The following TRIL variants were observed in gnomAD, a reference collection of about 807,000 sequenced individuals.
TRIL encodes TLR4 interactor with leucine rich repeats.
TRIL carries 23 observed loss-of-function variants against 43.0 expected under a neutral mutation model. That is an observed-to-expected ratio of 0.54 (90% CI 0.39 to 0.76). The LOEUF is 0.76. TRIL is among the 30% of genes least tolerant of loss of function. The probability of loss-of-function intolerance (pLI) is 0.00; values close to 1 mark genes in which losing one functional copy is unlikely to be tolerated. For synonymous variants in TRIL, 602 were observed against 556.8 expected (o/e 1.08, Z -1.14); for missense variants, 1,114 against 1,139.3 (o/e 0.98, Z 0.32).
In TRIL at chr7:28,956,743, G is replaced by T; in HGVS notation, c.1304C>A (p.Ala435Asp). 6.2e-7 allele frequency: 1 copy of T among 1,606,630 alleles called. No homozygotes were observed. ...ADRRRQPLPT[A>D]AGEEMTPPAG... ...AGGTGGCGTCATCTCCTCCCCTGCGGCCGTGGGTAGGGGCTGCCGCCTGCG... is the reference window on the plus strand; with the variant it reads ...AGGTGGCGTCATCTCCTCCCCTGCGTCCGTGGGTAGGGGCTGCCGCCTGCG... The change falls in exon 1 of 1, where the codon GCC becomes GAC. Residue 435 changes from alanine to aspartate, a missense_variant. Physicochemically the swap from Ala to Asp is moderately radical, Grantham distance 126 (BLOSUM62 -2). Coordinates refer to ENST00000539664, the MANE Select transcript of TRIL (RefSeq NM_014817.4).
chr7:28,957,075 C>CAGGTGGCCGA lies in TRIL; in HGVS notation c.962_971dup (p.Gly325ArgfsTer85). The CAGGTGGCCGA allele has an allele frequency of 1.9e-6, 3 of 1,574,742 alleles. No individual in the cohort carries two copies. Among genetic ancestry groups the CAGGTGGCCGA allele is most frequent in the Non-Finnish European group, 2.6e-6 (3 of 1,163,498 alleles). On this transcript the variant is annotated frameshift_variant, in exon 1 of 1. Coordinates refer to ENST00000539664, the MANE Select transcript of TRIL (RefSeq NM_014817.4). LOFTEE classifies it high-confidence loss of function. ...GCAGGCTGAGCTCGCGCAGCCGGCC[C>CAGGTGGCCGA]AGGTGGCCGAAGGTGGCCGGGTGCA... is the stretch of plus-strand genomic sequence containing the variant.
rs2128114440 is a variant in TRIL at position 28,957,003 on chromosome 7, G to A, written c.1044C>T (p.Ser348=). The A allele has an allele frequency of 1.3e-6, 2 of 1,580,940 alleles. No individual in the cohort carries two copies. The highest frequency in any genetic ancestry group is 4.6e-5 in the East Asian group (2 of 43,060). ...CTAGATCCAGCCGATAAAGGGCTGGGCTGGCGGCGAAGATGTCCCCGGATA... is the reference window on the plus strand; with the variant it reads ...CTAGATCCAGCCGATAAAGGGCTGGACTGGCGGCGAAGATGTCCCCGGATA... ...SALSGDIFAA[S]PALYRLDLDG... Residue 348 remains serine (S), a synonymous_variant, in exon 1 of 1, where the codon AGC becomes AGT. Transcript: ENST00000539664.
rs923003435 is a variant in TRIL, at chr7:28,957,852, G to A, written c.195C>T (p.Ser65=). 6 of 1,613,846 alleles carry A rather than the reference G, an allele frequency of 3.7e-6. No individual in the cohort carries two copies. Among genetic ancestry groups the A allele is most frequent in the Non-Finnish European group, 5.1e-6 (6 of 1,179,808 alleles). Residue 65 remains serine, a synonymous_variant, in exon 1 of 1, where the codon AGC becomes AGT. Coordinates refer to ENST00000539664, the MANE Select transcript of TRIL (RefSeq NM_014817.4). ...LPSPHDVLTY[S]LGGNFITNIT... ...TGTTGGTTATGAAGTTGCCGCCGAG[G>A]CTGTAGGTGAGCACGTCGTGGGGGC...
At position 28,953,842 on chromosome 7, in the gene TRIL, A is replaced by G. The variant is rs1415029353; in HGVS notation, c.*1769T>C. On this transcript the variant is annotated 3_prime_UTR_variant, in exon 1 of 1. Transcript: ENST00000539664. Reference sequence around the variant, plus strand: ...TCTGGACATTTACTCATTTGAACATAAACAACGATCAGCTCATTCAGATGG... The same window carrying G: ...TCTGGACATTTACTCATTTGAACATGAACAACGATCAGCTCATTCAGATGG... 6.6e-6 allele frequency: 1 copy of G among 152,424 alleles called. No individual in the cohort carries two copies. Among genetic ancestry groups the G allele is most frequent in the African/African-American group, 2.4e-5 (1 of 41,464 alleles). 9.4% of individuals were successfully genotyped at this position (152,424 alleles called of 1,614,324 possible).
In TRIL at chr7:28,958,037, C is replaced by A; in HGVS notation, c.10G>T (p.Ala4Ser). ...ACGAGCAGGAGGCGCAAGGCGCGGG[C>A]AGCCTCCATCGCCTCCCGCCCTGCG... MEA[A>S]RALRLLLVVC... The change falls in exon 1 of 1, where the codon GCC becomes TCC. Residue 4 changes from alanine (A) to serine (S), a missense_variant. Physicochemically the swap from Ala to Ser is moderately conservative, Grantham distance 99. Coordinates refer to ENST00000539664, the MANE Select transcript of TRIL (RefSeq NM_014817.4). The A allele has an allele frequency of 6.5e-7, 1 of 1,536,962 alleles. No homozygotes were observed.
In TRIL at chr7:28,957,823, G is replaced by T. The variant is rs374926644; in HGVS notation, c.224C>A (p.Thr75Lys). The T allele has an allele frequency of 5.6e-5, 91 of 1,613,830 alleles. No individual in the cohort carries two copies. In the African/African-American group the frequency reaches 1.2e-3, roughly 21 times the overall value. The change falls in exon 1 of 1, where the codon ACG becomes AAG. Residue 75 changes from threonine to lysine, a missense_variant. Physicochemically the swap from Thr to Lys is moderately conservative, Grantham distance 78. Coordinates refer to ENST00000539664, the MANE Select transcript of TRIL (RefSeq NM_014817.4). ...CCCCAGACGGTGGAAGTCGAAGGCC[G>T]TGATGTTGGTTATGAAGTTGCCGCC... is the stretch of plus-strand genomic sequence containing the variant. ...SLGGNFITNITAFDFHRLGQL... is the reference protein window; with the variant it reads ...SLGGNFITNIKAFDFHRLGQL...
chr7:28,956,075 G>T lies in TRIL; in HGVS notation c.1972C>A (p.Leu658Met). 1 of 1,553,330 alleles carries T rather than the reference G, an allele frequency of 6.4e-7. No individual in the cohort carries two copies. The highest frequency in any genetic ancestry group is 2.4e-5 in the East Asian group (1 of 41,460). Reference sequence around the variant, plus strand: ...CCAAGCACGCCCTCCACGCACACCAGGTAGGGGGTGTCCCCGCGCAGCTCG... The same window carrying T: ...CCAAGCACGCCCTCCACGCACACCATGTAGGGGGTGTCCCCGCGCAGCTCG... ...LRELRGDTPY[L>M]VCVEGVLGGR... The change falls in exon 1 of 1, where the codon CTG becomes ATG. Residue 658 changes from leucine to methionine, a missense_variant. Leu to Met is a conservative substitution (Grantham distance 15). Coordinates refer to ENST00000539664, the MANE Select transcript of TRIL (RefSeq NM_014817.4).
At position 28,955,902 on chromosome 7, in the gene TRIL, C is replaced by G; in HGVS notation, c.2145G>C (p.Ala715=). The change falls in exon 1 of 1, where the codon GCG becomes GCC. Residue 715 remains alanine (A), a synonymous_variant. Coordinates refer to ENST00000539664, the MANE Select transcript of TRIL (RefSeq NM_014817.4). The part of the protein sequence containing the change: ...VNALLVLLAL[A]AWASRWLRRK... ...TACGCAGCCAGCGAGACGCCCAGGCCGCCAAGGCCAGGAGCACCAGCAGCG... is the reference window on the plus strand; with the variant it reads ...TACGCAGCCAGCGAGACGCCCAGGCGGCCAAGGCCAGGAGCACCAGCAGCG... 6.4e-7 allele frequency: 1 copy of G among 1,551,584 alleles called. No homozygotes were observed. The highest frequency in any genetic ancestry group is 8.7e-7 in the Non-Finnish European group (1 of 1,148,910).
chr7:28,958,052 C>T lies in TRIL; in HGVS notation c.-6G>A. ...AAGGCGCGGGCAGCCTCCATCGCCT[C>T]CCGCCCTGCGTGCAGCGGCCGGATC... On this transcript the variant is annotated 5_prime_UTR_variant, in exon 1 of 1. Transcript: ENST00000539664. 6.7e-7 allele frequency: 1 copy of T among 1,501,460 alleles called. No individual in the cohort carries two copies. Among genetic ancestry groups the T allele is most frequent in the South Asian group, 1.3e-5 (1 of 74,910 alleles). The allele number at this position is 1,501,460 out of a possible 1,614,324, so 93.0% of individuals were successfully genotyped here.
At position 28,955,500 on chromosome 7, in the gene TRIL, C is replaced by A; in HGVS notation, c.*111G>T. 2.1e-6 allele frequency: 3 copies of A among 1,406,152 alleles called. No homozygotes were observed. The highest frequency in any genetic ancestry group is 2.8e-6 in the Non-Finnish European group (3 of 1,073,656). The allele number at this position is 1,406,152 out of a possible 1,614,324, so 87.1% of individuals were successfully genotyped here. A position where few individuals can be genotyped will look rare whatever the true frequency, so the allele number is the denominator to read the frequency against. ...TGCCCGAATTGGCCCTCTGTCCCCA[C>A]CGGCCTCTCTGGCAAGTGCACAAAA... is the stretch of plus-strand genomic sequence containing the variant. On this transcript the variant is annotated 3_prime_UTR_variant, in exon 1 of 1. Transcript: ENST00000539664.
In TRIL at chr7:28,957,175, T is replaced by G; in HGVS notation, c.872A>C (p.Gln291Pro). Residue 291 changes from glutamine (Q) to proline (P), a missense_variant, in exon 1 of 1, where the codon CAG becomes CCG. Gln to Pro is a moderately conservative substitution (Grantham distance 76). Transcript: ENST00000539664. ...AGGCTCCAGCAGCGCAGTTGGCAGCTGGCTCAGCCGATTACCCTCCAGGCG... is the reference window on the plus strand; with the variant it reads ...AGGCTCCAGCAGCGCAGTTGGCAGCGGGCTCAGCCGATTACCCTCCAGGCG... Reference protein sequence around the residue: ...ELRLEGNRLSQLPTALLEPLH... With the variant: ...ELRLEGNRLSPLPTALLEPLH... 1.3e-6 allele frequency: 2 copies of G among 1,595,636 alleles called. No homozygotes were observed. The highest frequency in any genetic ancestry group is 2.3e-5 in the East Asian group (1 of 44,256).
In TRIL at chr7:28,957,900, C is replaced by T. The variant is rs780399439; in HGVS notation, c.147G>A (p.Val49=). 2 of 1,612,792 alleles carry T rather than the reference C, an allele frequency of 1.2e-6. No individual in the cohort carries two copies. The highest frequency in any genetic ancestry group is 1.7e-5 in the Admixed American group (1 of 60,016). ...GGCTCGGCAGCGAGCTGGTCTTGGG[C>T]ACTACGCGGAGCCCCCTGTTGGTGC... ...LLCTNRGLRV[V]PKTSSLPSPH... is the part of the protein sequence containing the mutation. The change falls in exon 1 of 1, where the codon GTG becomes GTA. Residue 49 remains valine (V), a synonymous_variant. Coordinates refer to ENST00000539664, the MANE Select transcript of TRIL (RefSeq NM_014817.4).
chr7:28,957,610 A>T lies in TRIL; in HGVS notation c.437T>A (p.Leu146Gln), dbSNP rs778748341. 1.2e-6 allele frequency: 2 copies of T among 1,611,624 alleles called. No individual in the cohort carries two copies. Among genetic ancestry groups the T allele is most frequent in the Non-Finnish European group, 1.7e-6 (2 of 1,179,122 alleles). ...LYANGNEISR[L>Q]SRGSFEGLES... ...CAGGCCCTCGAAGGAGCCGCGGCTT[A>T]GGCGGCTGATCTCGTTCCCGTTGGC... The change falls in exon 1 of 1, where the codon CTA becomes CAA. Residue 146 changes from leucine to glutamine, a missense_variant. By Grantham distance (113) the Leu-to-Gln change is moderately radical. Transcript: ENST00000539664.
At position 28,953,670 on chromosome 7, in the gene TRIL, C is replaced by G. The variant is rs530134571; in HGVS notation, c.*1941G>C. The G allele has an allele frequency of 6.6e-6, 1 of 152,306 alleles. No individual in the cohort carries two copies. Among genetic ancestry groups the G allele is most frequent in the South Asian group, 2.1e-4 (1 of 4,830 alleles). 9.4% of individuals were successfully genotyped at this position (152,306 alleles called of 1,614,324 possible). A position where few individuals can be genotyped will look rare whatever the true frequency, so the allele number is the denominator to read the frequency against. ...CTCCCTGGTTGAAAATAAGAGCAAACAACACTACTGCTCTCATGTACCAGT... is the reference window on the plus strand; with the variant it reads ...CTCCCTGGTTGAAAATAAGAGCAAAGAACACTACTGCTCTCATGTACCAGT... On this transcript the variant is annotated 3_prime_UTR_variant, in exon 1 of 1. Coordinates refer to ENST00000539664, the MANE Select transcript of TRIL (RefSeq NM_014817.4).
Position 28,957,237 on chromosome 7 carries a change from A to G in TRIL, c.810T>C (p.Pro270=). The change falls in exon 1 of 1, where the codon CCT becomes CCC. Residue 270 remains proline, a synonymous_variant. Transcript: ENST00000539664. ...GGGCCTCCAAGCCCCAAAAGGCCTC[A>G]GGCGCGAGGTGCGTGAGCTGGTTGC... The part of the protein sequence containing the change: ...LRGNQLTHLA[P]EAFWGLEALR... 2 of 1,606,936 alleles carry G rather than the reference A, an allele frequency of 1.2e-6. No homozygotes were observed. The highest frequency in any genetic ancestry group is 1.7e-6 in the Non-Finnish European group (2 of 1,179,414).
rs1448635588 is a variant in TRIL at position 28,953,586 on chromosome 7, T to C, written c.*2025A>G. On this transcript the variant is annotated 3_prime_UTR_variant, in exon 1 of 1. Transcript: ENST00000539664. The stretch of plus-strand genomic sequence containing the variant: ...TACCCTGCTGGGCAAAAGAAATAGC[T>C]AGGAGATGCAATAGTGCTATGATTG... 1.3e-5 allele frequency: 2 copies of C among 152,128 alleles called. No homozygotes were observed. The highest frequency in any genetic ancestry group is 2.4e-5 in the African/African-American group (1 of 41,406). The allele number at this position is 152,128 out of a possible 1,614,324, so 9.4% of individuals were successfully genotyped here. A position where few individuals can be genotyped will look rare whatever the true frequency, so the allele number is the denominator to read the frequency against.
In TRIL at chr7:28,955,307, A is replaced by G; in HGVS notation, c.*304T>C. On this transcript the variant is annotated 3_prime_UTR_variant, in exon 1 of 1. Coordinates refer to ENST00000539664, the MANE Select transcript of TRIL (RefSeq NM_014817.4). ...ACAAGCACCCCCTTTCTACCCCCAAAGCCTGGCTTCTGCATTGCAGTGCTA... is the reference window on the plus strand; with the variant it reads ...ACAAGCACCCCCTTTCTACCCCCAAGGCCTGGCTTCTGCATTGCAGTGCTA... 2.6e-6 allele frequency: 1 copy of G among 387,120 alleles called. No individual in the cohort carries two copies. Among genetic ancestry groups the G allele is most frequent in the Non-Finnish European group, 4.6e-6 (1 of 219,362 alleles). The allele number at this position is 387,120 out of a possible 1,614,324, so 24.0% of individuals were successfully genotyped here. A position where few individuals can be genotyped will look rare whatever the true frequency, so the allele number is the denominator to read the frequency against.
Position 28,957,137 on chromosome 7 carries a change from C to G in TRIL, c.910G>C (p.Glu304Gln). Residue 304 changes from glutamate (E) to glutamine (Q), a missense_variant, in exon 1 of 1, where the codon GAG (glutamate) becomes CAG (glutamine). Coordinates refer to ENST00000539664, the MANE Select transcript of TRIL (RefSeq NM_014817.4). Reference sequence around the variant, plus strand: ...TCATTGCCGCTCAGGTCCAGCGCCTCCAGGCTGTGCAGAGGCTCCAGCAGC... The same window carrying G: ...TCATTGCCGCTCAGGTCCAGCGCCTGCAGGCTGTGCAGAGGCTCCAGCAGC... ...TALLEPLHSLEALDLSGNELS... is the reference protein window; with the variant it reads ...TALLEPLHSLQALDLSGNELS... The G allele has an allele frequency of 1.3e-6, 2 of 1,583,158 alleles. No individual in the cohort carries two copies. The highest frequency in any genetic ancestry group is 1.7e-4 in the Middle Eastern group (1 of 5,772).
chr7:28,956,013 G>A lies in TRIL; in HGVS notation c.2034C>T (p.Cys678=). The stretch of plus-strand genomic sequence containing the variant: ...CCTCCGGTAGGGTGACCAGCCCCGC[G>A]CAGTGGTCCCGGGGAGCCACAGGGC... ...RVCPVAPRDH[C]AGLVTLPEAG... is the part of the protein sequence containing the mutation. Residue 678 remains cysteine, a synonymous_variant, in exon 1 of 1, where the codon TGC becomes TGT. Coordinates refer to ENST00000539664, the MANE Select transcript of TRIL (RefSeq NM_014817.4). The A allele has an allele frequency of 6.4e-7, 1 of 1,550,752 alleles. No homozygotes were observed. The highest frequency in any genetic ancestry group is 8.7e-7 in the Non-Finnish European group (1 of 1,153,242).
Sources: gnomAD v4.1 joint callset for allele counts on GRCh38, gnomAD v4.1.1 for gene constraint, MANE v1.5 for transcripts, NCBI Gene and HGNC (gene_info 2026-07-23, HGNC 2026-07-21) for gene names.